The following CADM2 variants were observed in gnomAD, a reference collection of about 807,000 sequenced individuals.
CADM2 encodes the protein cell adhesion molecule 2.
CADM2 carries 12 observed loss-of-function variants against 49.8 expected under a neutral mutation model. The ratio of observed to expected loss-of-function variants is 0.24; its 90% confidence interval spans 0.15 to 0.39. The LOEUF is 0.39. Ranked by LOEUF, CADM2 falls within the 10% of genes least tolerant of loss-of-function variation. The pLI is 1.00. For synonymous variants in CADM2, 214 were observed against 175.4 expected (o/e 1.22, Z -1.74); for missense variants, 378 against 492.3 (o/e 0.77, Z 2.20).
intron 3 of CADM2, among the ~76,000 whole-genome samples, chr3:85,834,612 T>G (rs2108241679): frequency 6.6e-6 from 1 of 151,748 alleles, no homozygotes; most frequent in Non-Finnish European, 1.5e-5. Context: ...ATAATTTATG[T>G]TCTGAGTTTG....
At chr3:85,138,826 C>A (rs917299782) in intron 1 of CADM2, among the ~76,000 whole-genome samples, 1 of 152,136 alleles carries the variant, frequency 6.6e-6, no homozygotes, top group Non-Finnish European at 1.5e-5. Flanking sequence ...GTTCACATTT[C>A]ATTGGCTTCA....
At chr3:85,875,286 T>A (rs907812434) in intron 3 of CADM2, among the ~76,000 whole-genome samples, 1 of 152,168 alleles carries the variant, frequency 6.6e-6, no homozygotes, top group Admixed American at 6.6e-5. Context: ...TGACACATAC[T>A]GATTTTAATA....
rs977943324 is a variant in CADM2, at chr3:85,864,722, T to C, written c.239-18569T>C. On this transcript the variant is annotated intron_variant, in intron 3 of 9. Transcript: ENST00000383699. ...TTTTTAAATTTGTTTTATAATTTCTTACTTTATGTCAATGGAAATTATTCC... is the reference window on the plus strand; with the variant it reads ...TTTTTAAATTTGTTTTATAATTTCTCACTTTATGTCAATGGAAATTATTCC... 1.6e-4 allele frequency among the ~76,000 whole-genome samples: 25 copies of C among 152,366 alleles called. 1 individual carries two copies. The highest frequency in any genetic ancestry group is 4.1e-4 in the South Asian group (2 of 4,830).
intron 1 of CADM2, among the ~76,000 whole-genome samples, chr3:85,500,243 G>A (rs1211615278): frequency 6.6e-6 from 1 of 151,696 alleles, no homozygotes; most frequent in Non-Finnish European, 1.5e-5. Context: ...TGGTTTTTTA[G>A]GCAGTAAAAC....
intron 1 of CADM2, among the ~76,000 whole-genome samples, chr3:85,706,640 C>G (rs1338370511): frequency 2.6e-5 from 4 of 152,140 alleles, no homozygotes; most frequent in African/African-American, 4.8e-5. Context: ...TGCCTCAGAA[C>G]TGATGACAGC....
intron 8 of CADM2, among the ~76,000 whole-genome samples, chr3:86,055,550 T>C (rs1470366802): frequency 7.0e-6 from 1 of 143,462 alleles, no homozygotes; most frequent in Non-Finnish European, 1.5e-5. Context: ...CACTGCAAAC[T>C]CTGCCTCCTG....
chr3:85,619,763 GT>G lies in CADM2; in HGVS notation c.62-106756del, dbSNP rs549495254. Among the ~76,000 whole-genome samples the G allele has an allele frequency of 2.9e-4, 44 of 152,186 alleles. No individual in the cohort carries two copies. The South Asian group carries it at 9.1e-3, about 32-fold the overall frequency. ...AATTATTTTTGTCCCACAGAAAAAG[GT>G]TTAGGCATTTTTATCTTTGAGAAAG... On this transcript the variant is annotated intron_variant, in intron 1 of 9. Coordinates refer to ENST00000383699, the MANE Select transcript of CADM2 (RefSeq NM_001167675.2).
intron 2 of CADM2, among the ~76,000 whole-genome samples, chr3:85,778,329 A>C (rs1434860653): frequency 1.3e-5 from 2 of 152,272 alleles, no homozygotes; most frequent in South Asian, 4.1e-4. Context: ...ATTTTAAAAA[A>C]TTATTCTGAA....
intron 1 of CADM2, among the ~76,000 whole-genome samples, chr3:85,019,018 G>A (rs1355228491): frequency 6.6e-6 from 1 of 152,156 alleles, no homozygotes. Context: ...TGGTTCAGAA[G>A]TGTACACATC....
In CADM2 at chr3:85,822,158, T is replaced by C. The variant is rs189263325; in HGVS notation, c.238+19962T>C. Among the ~76,000 whole-genome samples the C allele has an allele frequency of 9.8e-5, 15 of 152,348 alleles. No homozygotes were observed. In the East Asian group the frequency reaches 2.9e-3, roughly 29 times the overall value. On this transcript the variant is annotated intron_variant, in intron 3 of 9. Transcript: ENST00000383699. ...AGCATTTCTTGCTGGGAATAATGTA[T>C]AATCTGAACTGTTTCCATTCTTTGT...
chr3:85,294,785 C>A (rs1331329770), intron 1 of CADM2, among the ~76,000 whole-genome samples: 1 of 151,936 alleles, frequency 6.6e-6, no homozygotes, highest in Non-Finnish European at 1.5e-5. Flanking sequence ...ATACAAAAAT[C>A]AATTCAAGTT....
Position 85,616,370 on chromosome 3 carries a change from GA to G in CADM2, c.62-110149del, listed in dbSNP as rs557078161. On this transcript the variant is annotated intron_variant, in intron 1 of 9. Coordinates refer to ENST00000383699, the MANE Select transcript of CADM2 (RefSeq NM_001167675.2). ...TATAAATAGCATTCAAAAGAACACT[GA>G]AAGATAATTTCAACATTAAATAAAG... Among the ~76,000 whole-genome samples the G allele has an allele frequency of 2.1e-4, 32 of 152,114 alleles. No homozygotes were observed. In the South Asian group the frequency reaches 4.8e-3, roughly 23 times the overall value.
chr3:85,162,911 T>C (rs115465924), intron 1 of CADM2, among the ~76,000 whole-genome samples: 4,977 of 152,062 alleles, frequency 0.033, 261 homozygotes, highest in African/African-American at 0.11. Flanking sequence ...TTAGTATGTA[T>C]ATGGAGATAG....
intron 1 of CADM2, among the ~76,000 whole-genome samples, chr3:85,241,378 G>T (rs1027202276): frequency 1.3e-4 from 20 of 151,566 alleles, no homozygotes; most frequent in Admixed American, 6.6e-4. Flanking sequence ...TGGGAGAAAG[G>T]AATTGCATAC....
At chr3:85,423,382 T>A (rs1002621556) in intron 1 of CADM2, among the ~76,000 whole-genome samples, 13 of 152,164 alleles carry the variant, frequency 8.5e-5, no homozygotes, top group Non-Finnish European at 1.9e-4. Flanking sequence ...GGTCCAGACT[T>A]GAGGTTGGAG....
chr3:85,564,004 T>C (rs2062177986), intron 1 of CADM2, among the ~76,000 whole-genome samples: 1 of 152,166 alleles, frequency 6.6e-6, no homozygotes. Flanking sequence ...TTTAGCAACA[T>C]TTAAGAATTT....
intron 6 of CADM2, among the ~76,000 whole-genome samples, chr3:85,929,322 C>G (rs1039474296): frequency 2.0e-5 from 3 of 151,896 alleles, no homozygotes; most frequent in Admixed American, 6.6e-5. Context: ...TTCCCAATTT[C>G]AATCATTTGA....
intron 1 of CADM2, among the ~76,000 whole-genome samples, chr3:85,187,326 T>C (rs945460024): frequency 6.6e-6 from 1 of 152,174 alleles, no homozygotes; most frequent in Non-Finnish European, 1.5e-5. Context: ...ATTTTGAATC[T>C]CTATACATTG....
chr3:85,060,964 C>G (rs2036285664), intron 1 of CADM2, among the ~76,000 whole-genome samples: 1 of 152,058 alleles, frequency 6.6e-6, no homozygotes, highest in African/African-American at 2.4e-5. Context: ...CATGAGTATA[C>G]TTCTAACCAG....
Sources: gnomAD v4.1 joint callset for allele counts (sites outside exome capture counted in the v4.1 genomes callset) on GRCh38, gnomAD v4.1.1 for gene constraint, MANE v1.5 for transcripts, NCBI Gene and HGNC (gene_info 2026-07-23, HGNC 2026-07-21) for gene names.